The following ANTXR1 variants were observed in gnomAD, a reference collection of about 807,000 sequenced individuals.
ANTXR1 encodes the protein anthrax toxin receptor 1.
Under a neutral mutation model 78.1 loss-of-function variants are expected in ANTXR1, and 19 were observed. That is an observed-to-expected ratio of 0.24 (90% CI 0.17 to 0.36). ANTXR1 has a LOEUF of 0.36. Among genes scored for constraint, ANTXR1 ranks in the 10% least tolerant of loss-of-function variants. ANTXR1 has a pLI of 1.00. For synonymous variants in ANTXR1, 273 were observed against 260.5 expected (o/e 1.05, Z -0.46); for missense variants, 518 against 718.6 (o/e 0.72, Z 3.19).
At chr2:69,098,692 A>G (rs1381343247) in intron 9 of ANTXR1, among the ~76,000 whole-genome samples, 3 of 152,228 alleles carry the variant, frequency 2.0e-5, no homozygotes, top group Non-Finnish European at 4.4e-5. Flanking sequence ...CCCTTTTAAA[A>G]GGTACAATTC....
chr2:69,201,339 T>G (rs1674768089), intron 17 of ANTXR1, among the ~76,000 whole-genome samples: 1 of 152,118 alleles, frequency 6.6e-6, no homozygotes, highest in South Asian at 2.1e-4. Context: ...GGTGAGACTG[T>G]GGCTCCTTCA....
At chr2:69,048,485 AC>A (rs1464145168) in intron 3 of ANTXR1, among the ~76,000 whole-genome samples, 1 of 152,108 alleles carries the variant, frequency 6.6e-6, no homozygotes, top group Non-Finnish European at 1.5e-5. Context: ...TCTTTACAGT[AC>A]TTTTGATTCT....
At chr2:69,118,029 C>G (rs1017148453) in intron 10 of ANTXR1, among the ~76,000 whole-genome samples, 6 of 152,140 alleles carry the variant, frequency 3.9e-5, no homozygotes, top group African/African-American at 1.4e-4. Flanking sequence ...AGACAGATGC[C>G]TTGGGTAAAC....
chr2:69,038,880 C>A (rs1206878014), intron 1 of ANTXR1, among the ~76,000 whole-genome samples: 1 of 152,024 alleles, frequency 6.6e-6, no homozygotes, highest in Admixed American at 6.6e-5. Context: ...ATGGAATACA[C>A]CCGATCAGAA....
rs576572842 is a variant in ANTXR1, at chr2:69,104,987, G to A, written c.802+2047G>A. ...GTGGTCCCCAGCTACTCTGGAGCCT[G>A]AGGCTGAAGGATCACTTGAGGCCAG... is the stretch of plus-strand genomic sequence containing the variant. On this transcript the variant is annotated intron_variant, in intron 10 of 17. Coordinates refer to ENST00000303714, the MANE Select transcript of ANTXR1 (RefSeq NM_032208.3). 2.0e-4 allele frequency among the ~76,000 whole-genome samples: 31 copies of A among 152,316 alleles called. 1 individual carries two copies. The South Asian group carries it at 6.4e-3, about 32-fold the overall frequency.
intron 1 of ANTXR1, among the ~76,000 whole-genome samples, chr2:69,021,623 G>T (rs999258171): frequency 6.6e-6 from 1 of 152,188 alleles, no homozygotes; most frequent in African/African-American, 2.4e-5. Flanking sequence ...TCTCCTCACA[G>T]CCTGTTGGTC....
At chr2:69,175,946 G>A (rs2104456384) in intron 14 of ANTXR1, among the ~76,000 whole-genome samples, 1 of 152,152 alleles carries the variant, frequency 6.6e-6, no homozygotes, top group East Asian at 1.9e-4. Context: ...ACTCCTAATA[G>A]CAACAGGTCT....
intron 17 of ANTXR1, among the ~76,000 whole-genome samples, chr2:69,194,674 T>C (rs944361104): frequency 1.3e-5 from 2 of 151,222 alleles, no homozygotes; most frequent in Non-Finnish European, 2.9e-5. Flanking sequence ...CCAATATGGT[T>C]AAACCCCATC....
At chr2:69,221,019 G>A (rs1675304801) in intron 17 of ANTXR1, among the ~76,000 whole-genome samples, 1 of 152,236 alleles carries the variant, frequency 6.6e-6, no homozygotes, top group African/African-American at 2.4e-5. Flanking sequence ...TGGATGGAAT[G>A]CCACAGAAAA....
At chr2:69,208,744 G>GT (rs1281992300) in intron 17 of ANTXR1, among the ~76,000 whole-genome samples, 2 of 152,162 alleles carry the variant, frequency 1.3e-5, no homozygotes, top group East Asian at 3.8e-4. Context: ...AACTATTTTG[G>GT]TTTTTATTCA....
At chr2:69,217,901 GATTTGCTATCCCCAGGTGA>G (rs1675218945) in intron 17 of ANTXR1, among the ~76,000 whole-genome samples, 1 of 152,160 alleles carries the variant, frequency 6.6e-6, no homozygotes, top group Non-Finnish European at 1.5e-5. Flanking sequence ...CTGGCTTGTG[GATTTGCTATCCCCAGGTGA>G]AACCAAGGCC....
At chr2:69,136,572 T>G (rs1484060969) in intron 12 of ANTXR1, among the ~76,000 whole-genome samples, 1 of 152,138 alleles carries the variant, frequency 6.6e-6, no homozygotes, top group African/African-American at 2.4e-5. Flanking sequence ...AATTAGAAAA[T>G]ACTTAGAACT....
intron 17 of ANTXR1, among the ~76,000 whole-genome samples, chr2:69,221,934 G>A (rs1450495743): frequency 6.6e-6 from 1 of 152,150 alleles, no homozygotes; most frequent in Non-Finnish European, 1.5e-5. Context: ...TTTAAGGGAT[G>A]ACTATAGAAC....
chr2:69,200,357 C>T (rs1674744208), intron 17 of ANTXR1, among the ~76,000 whole-genome samples: 1 of 152,172 alleles, frequency 6.6e-6, no homozygotes, highest in South Asian at 2.1e-4. Context: ...CAGCTGTTTC[C>T]AATAAGGGCG....
intron 17 of ANTXR1, among the ~76,000 whole-genome samples, chr2:69,240,693 A>C (rs1486269408): frequency 6.6e-6 from 1 of 152,254 alleles, no homozygotes; most frequent in Non-Finnish European, 1.5e-5. Context: ...GTCTATATTC[A>C]GGAATACAGT....
At chr2:69,042,353 G>A (rs1030809565) in intron 2 of ANTXR1, among the ~76,000 whole-genome samples, 3 of 152,088 alleles carry the variant, frequency 2.0e-5, no homozygotes, top group African/African-American at 7.2e-5. Flanking sequence ...GTAGACACGA[G>A]TTCAAGTTCC....
Position 69,098,983 on chromosome 2 carries a change from C to CTAAATAAATAAATAAA in ANTXR1, c.704-3847_704-3846insTAAATAAATAAATAAA, listed in dbSNP as rs56154212. On this transcript the variant is annotated intron_variant, in intron 9 of 17. Transcript: ENST00000303714. Reference sequence around the variant, plus strand: ...CCTAGGTGATAGAGTGAGACTGCGTCTAAATAAATAAAGTACAATTCAGTG... The same window carrying CTAAATAAATAAATAAA: ...CCTAGGTGATAGAGTGAGACTGCGTCTAAATAAATAAATAAATAAATAAATAAAGTACAATTCAGTG... 2.1e-3 allele frequency among the ~76,000 whole-genome samples: 314 copies of CTAAATAAATAAATAAA among 151,708 alleles called. 1 individual carries two copies. The highest frequency in any genetic ancestry group is 7.0e-3 in the African/African-American group (290 of 41,334).
intron 9 of ANTXR1, among the ~76,000 whole-genome samples, chr2:69,098,800 ACAGGGTGAAAC>A (rs969370957): frequency 6.6e-6 from 1 of 152,194 alleles, no homozygotes; most frequent in Non-Finnish European, 1.5e-5. Flanking sequence ...AGCCTGGCCA[ACAGGGTGAAAC>A]CCCGTGTCTA....
In ANTXR1 at chr2:69,202,237, G is replaced by A. The variant is rs1257404436; in HGVS notation, c.1434+8822G>A. ...ACTAAGAAGGACCAGCCAAGAGAAAGAGAAGTTGTAAGAGGAAAGTCTGGG... is the reference window on the plus strand; with the variant it reads ...ACTAAGAAGGACCAGCCAAGAGAAAAAGAAGTTGTAAGAGGAAAGTCTGGG... On this transcript the variant is annotated intron_variant, in intron 17 of 17. Transcript: ENST00000303714. 7.2e-5 allele frequency among the ~76,000 whole-genome samples: 11 copies of A among 152,312 alleles called. No homozygotes were observed. In the East Asian group the frequency reaches 1.7e-3, roughly 24 times the overall value.
Sources: allele counts gnomAD v4.1 joint callset (sites outside exome capture counted in the v4.1 genomes callset), GRCh38; gene constraint gnomAD v4.1.1; transcripts MANE v1.5; gene names NCBI Gene and HGNC (gene_info 2026-07-23, HGNC 2026-07-21).